Variants in FRMD1 observed in about 807,000 individuals in gnomAD.
FRMD1 encodes FERM domain-containing protein 1.
A neutral mutation model predicts 54.9 loss-of-function variants in FRMD1; 51 were observed. That is an observed-to-expected ratio of 0.93 (90% CI 0.74 to 1.17). The LOEUF (loss-of-function observed/expected upper bound fraction) is 1.17, where lower values mean the gene tolerates loss of function less well. Ranked by LOEUF, FRMD1 falls within the 50% of genes most tolerant of loss-of-function variation. The probability of loss-of-function intolerance (pLI) is 0.00; values close to 1 mark genes in which losing one functional copy is unlikely to be tolerated. For missense variants in FRMD1, 729 were observed against 743.0 expected (o/e 0.98, Z 0.22); for synonymous variants, 324 against 306.4 (o/e 1.06, Z -0.60).
intron 1 of FRMD1, among the ~76,000 whole-genome samples, chr6:168,087,087 A>C (rs1187027911): frequency 6.7e-6 from 1 of 149,390 alleles, no homozygotes; most frequent in African/African-American, 2.5e-5. Flanking sequence ...TTTTTTCTTC[A>C]TGTGGTGTCT....
intron 2 of FRMD1, among the ~76,000 whole-genome samples, chr6:168,074,955 C>A (rs1471673762): frequency 2.1e-5 from 3 of 144,340 alleles, no homozygotes; most frequent in Non-Finnish European, 4.5e-5. Context: ...ACGTGTGTGG[C>A]GTGTGCATGT....
upstream of FRMD1, chr6:168,081,697 C>T (rs1800834740): frequency 2.0e-6 from 1 of 498,906 alleles, no homozygotes; most frequent in Non-Finnish European, 3.4e-6. Flanking sequence ...ACTAAACATC[C>T]CACTGCAAGG....
rs1004096487 is a variant in FRMD1 at position 168,055,313 on chromosome 6, A to T, written c.*1784T>A. 4 of 150,534 alleles carry T rather than the reference A, an allele frequency of 2.7e-5. No homozygotes were observed. The highest frequency in any genetic ancestry group is 1.0e-4 in the African/African-American group (4 of 39,284). 9.3% of individuals were successfully genotyped at this position (150,534 alleles called of 1,614,324 possible). ...GGACATGGGGAGTGTGCATGTATGG[A>T]TGTGTGCATGTGTGTGTGTGCATGC... On this transcript the variant is annotated 3_prime_UTR_variant, in exon 11 of 11. Transcript: ENST00000283309.
At position 168,061,069 on chromosome 6, in the gene FRMD1, G is replaced by T; in HGVS notation, c.1046-12C>A. ...GTAGTGCTGCTTCTCTGTGGGGAGT[G>T]GGGAGCACAGTGAGGGCGAGCTGGA... On this transcript the variant is annotated splice_polypyrimidine_tract_variant and intron_variant, in intron 8 of 10. Coordinates refer to ENST00000283309, the MANE Select transcript of FRMD1 (RefSeq NM_024919.6). 1 of 1,600,418 alleles carries T rather than the reference G, an allele frequency of 6.2e-7. No individual in the cohort carries two copies. Among genetic ancestry groups the T allele is most frequent in the Non-Finnish European group, 8.5e-7 (1 of 1,171,466 alleles).
intron 3 of FRMD1, 174 bp downstream of exon 3, chr6:168,067,193 C>A (rs1800080763): frequency 1.5e-6 from 1 of 673,944 alleles, no homozygotes; most frequent in Non-Finnish European, 2.7e-6. Context: ...CCCTCTCCCA[C>A]CCCACGCATC....
In FRMD1 at chr6:168,055,695, G is replaced by T. The variant is rs543541040; in HGVS notation, c.*1402C>A. 3.3e-5 allele frequency: 5 copies of T among 152,292 alleles called. No individual in the cohort carries two copies. The South Asian group carries it at 1.0e-3, about 32-fold the overall frequency. The allele number at this position is 152,292 out of a possible 1,614,324, so 9.4% of individuals were successfully genotyped here. ...GCAGTCTTGCCCTCGGCAGCACTGG[G>T]GCTTGTGGCCATCTACAGAACGCAG... is the stretch of plus-strand genomic sequence containing the variant. On this transcript the variant is annotated 3_prime_UTR_variant, in exon 11 of 11. Coordinates refer to ENST00000283309, the MANE Select transcript of FRMD1 (RefSeq NM_024919.6).
In FRMD1 at chr6:168,078,814, G is replaced by A. The variant is rs943789320; in HGVS notation, c.213+68C>T. 1.3e-4 allele frequency: 87 copies of A among 689,908 alleles called. 1 individual carries two copies. Among genetic ancestry groups the A allele is most frequent in the Admixed American group, 2.8e-4 (6 of 21,212 alleles). The allele number at this position is 689,908 out of a possible 1,614,324, so 42.7% of individuals were successfully genotyped here. A position where few individuals can be genotyped will look rare whatever the true frequency, so the allele number is the denominator to read the frequency against. ...CACCCAGGGCCCTGCTCACCCCCAC[G>A]GCCACCCGGAGCCCTGCTCACCCCC... On this transcript the variant is annotated intron_variant, in intron 1 of 10. Coordinates refer to ENST00000283309, the MANE Select transcript of FRMD1 (RefSeq NM_024919.6).
chr6:168,087,855 C>G (rs550788679), intron 1 of FRMD1, among the ~76,000 whole-genome samples: 1 of 152,212 alleles, frequency 6.6e-6, no homozygotes, highest in Non-Finnish European at 1.5e-5. Context: ...GGCACGGAGA[C>G]CCCCGGACCC....
At chr6:168,088,635 G>T (rs142885856) in intron 1 of FRMD1, among the ~76,000 whole-genome samples, 1 of 152,248 alleles carries the variant, frequency 6.6e-6, no homozygotes, top group Non-Finnish European at 1.5e-5. Context: ...GCTCAGGCAG[G>T]GTCAGCTGCA....
Position 168,057,078 on chromosome 6 carries a change from A to G in FRMD1, c.*19T>C. 1 of 1,464,740 alleles carries G rather than the reference A, an allele frequency of 6.8e-7. No homozygotes were observed. The highest frequency in any genetic ancestry group is 1.4e-5 in the South Asian group (1 of 69,300). 90.7% of individuals were successfully genotyped at this position (1,464,740 alleles called of 1,614,324 possible). A position where few individuals can be genotyped will look rare whatever the true frequency, so the allele number is the denominator to read the frequency against. ...GGCTGAGCCTGGCGGTGCGGACGGT[A>G]CTGCTGGGTGGGTGGTGCCTACACC... On this transcript the variant is annotated 3_prime_UTR_variant, in exon 11 of 11. Coordinates refer to ENST00000283309, the MANE Select transcript of FRMD1 (RefSeq NM_024919.6).
At position 168,078,924 on chromosome 6, in the gene FRMD1, G is replaced by A. The variant is rs34054991; in HGVS notation, c.171C>T (p.Leu57=). The A allele has an allele frequency of 0.88, 1,407,805 of 1,604,722 alleles. 618,835 individuals are homozygous for A. Among genetic ancestry groups the A allele is most frequent in the Non-Finnish European group, 0.89 (1,052,088 of 1,178,264 alleles). ...DAMASEHRDV[L]VLLPSREQLR... ...GTTGCTCCCGGCTGGGCAGCAGCACGAGGACATCCCTGTGTTCCGAGGCCA... is the reference window on the plus strand; with the variant it reads ...GTTGCTCCCGGCTGGGCAGCAGCACAAGGACATCCCTGTGTTCCGAGGCCA... Residue 57 remains leucine (L), a synonymous_variant, in exon 1 of 11, where the codon CTC becomes CTT. Coordinates refer to ENST00000283309, the MANE Select transcript of FRMD1 (RefSeq NM_024919.6).
intron 2 of FRMD1, among the ~76,000 whole-genome samples, chr6:168,071,509 G>T (rs1428956927): frequency 6.6e-6 from 1 of 152,140 alleles, no homozygotes; most frequent in Non-Finnish European, 1.5e-5. Context: ...TTGAGGGGCC[G>T]GTTCTGAGTC....
chr6:168,088,988 C>T (rs544783331), intron 1 of FRMD1, among the ~76,000 whole-genome samples: 6 of 146,572 alleles, frequency 4.1e-5, no homozygotes, highest in East Asian at 2.1e-4. Context: ...AAGTCCTCCC[C>T]GCCAGTTTGG....
upstream of FRMD1, among the ~76,000 whole-genome samples, chr6:168,082,226 C>T (rs935226496): frequency 6.6e-6 from 1 of 152,226 alleles, no homozygotes; most frequent in African/African-American, 2.4e-5. Flanking sequence ...CAGACCCAGG[C>T]GAGGCCCTTT....
At chr6:168,072,956 C>T (rs1286356427) in intron 2 of FRMD1, among the ~76,000 whole-genome samples, 3 of 152,210 alleles carry the variant, frequency 2.0e-5, no homozygotes, top group African/African-American at 7.2e-5. Context: ...CTTCTGTCCA[C>T]AGCCCTCAGA....
intron 2 of FRMD1, among the ~76,000 whole-genome samples, chr6:168,069,576 T>A (rs1268584455): frequency 6.6e-6 from 1 of 152,158 alleles, no homozygotes; most frequent in Non-Finnish European, 1.5e-5. Context: ...CTCGGTAAGG[T>A]CAGCAAAAGG....
chr6:168,091,890 G>A (rs76807523), intron 1 of FRMD1, among the ~76,000 whole-genome samples: 10,042 of 119,600 alleles, frequency 0.084, 347 homozygotes, highest in African/African-American at 0.096. Flanking sequence ...CACTCACTCC[G>A]GATCAGGTGT....
intron 2 of FRMD1, among the ~76,000 whole-genome samples, chr6:168,074,977 A>G (rs9364395): frequency 0.88 from 132,226 of 150,730 alleles, 57,988 homozygotes; most frequent in Non-Finnish European, 0.9. Flanking sequence ...TACACGTGCA[A>G]GTGGTGTGTA....
chr6:168,074,687 G>A (rs1031101284), intron 2 of FRMD1, among the ~76,000 whole-genome samples: 4 of 150,760 alleles, frequency 2.7e-5, no homozygotes, highest in Non-Finnish European at 5.9e-5. Flanking sequence ...TGAGTGGTGT[G>A]TAATTGTGGG....
Sources: gnomAD v4.1 joint callset for allele counts (sites outside exome capture counted in the v4.1 genomes callset) on GRCh38, gnomAD v4.1.1 for gene constraint, MANE v1.5 for transcripts, NCBI Gene and HGNC (gene_info 2026-07-23, HGNC 2026-07-21) for gene names.